Variants in HMSD observed in about 807,000 individuals in gnomAD.
HMSD encodes the protein serpin-like protein HMSD.
A neutral mutation model predicts 10.0 loss-of-function variants in HMSD; 13 were observed. The observed-to-expected ratio is 1.31, with a 90% CI of 0.85 to 2.08. The LOEUF is 2.08. Ranked by LOEUF, HMSD falls within the 30% of genes most tolerant of loss-of-function variation. HMSD has a pLI of 0.00. For synonymous variants in HMSD, 51 were observed against 54.2 expected (o/e 0.94, Z 0.26); for missense variants, 169 against 166.3 (o/e 1.02, Z -0.09).
chr18:63,949,859 T>G lies in HMSD; in HGVS notation c.-103+459T>G, dbSNP rs981318902. Among the ~76,000 whole-genome samples the G allele has an allele frequency of 3.9e-5, 6 of 152,200 alleles. 1 individual carries two copies. The highest frequency in any genetic ancestry group is 4.4e-5 in the Non-Finnish European group (3 of 68,028). On this transcript the variant is annotated intron_variant, in intron 1 of 3. Coordinates refer to ENST00000408945, the MANE Select transcript of HMSD (RefSeq NM_001123366.2). Reference sequence around the variant, plus strand: ...TCGTATGCTCTCAGTATTCAGAATTTGTACTTGACATTCCTCCTCCTTTAA... The same window carrying G: ...TCGTATGCTCTCAGTATTCAGAATTGGTACTTGACATTCCTCCTCCTTTAA...
At chr18:63,961,938 A>G (rs1460535427), downstream of HMSD, 1 of 152,254 alleles carries the variant, frequency 6.6e-6, no homozygotes, top group East Asian at 1.9e-4. Flanking sequence ...CAAAACAGCT[A>G]CAATTCCGTG....
intron 3 of HMSD, chr18:63,968,859 A>G (rs2050425635): frequency 6.6e-6 from 1 of 152,232 alleles, no homozygotes; most frequent in African/African-American, 2.4e-5. Flanking sequence ...TGGAGAAAAG[A>G]TGGGGGTGAA....
In HMSD at chr18:63,954,457, G is replaced by T. The variant is rs1475983372; in HGVS notation, c.122G>T (p.Gly41Val). Residue 41 changes from glycine to valine, a missense_variant, in exon 3 of 4, where the codon GGT becomes GTT. Transcript: ENST00000408945. ...IGGEDGDIHRGFQSLLVAINR... is the reference protein window; with the variant it reads ...IGGEDGDIHRVFQSLLVAINR... The stretch of plus-strand genomic sequence containing the variant: ...GGTGAAGATGGAGATATTCATCGAG[G>T]TTTTCAGTCACTTCTTGTTGCAATT... 3.7e-6 allele frequency: 6 copies of T among 1,613,292 alleles called. No homozygotes were observed. The highest frequency in any genetic ancestry group is 1.3e-5 in the African/African-American group (1 of 74,890).
chr18:63,967,919 A>C (rs2050417174), intron 3 of HMSD: 1 of 152,226 alleles, frequency 6.6e-6, no homozygotes, highest in Non-Finnish European at 1.5e-5. Context: ...CAGCATTTAA[A>C]TTGTCCATAC....
downstream of HMSD, among the ~76,000 whole-genome samples, chr18:63,965,744 T>C (rs1166808958): frequency 6.6e-6 from 1 of 152,224 alleles, no homozygotes; most frequent in Non-Finnish European, 1.5e-5. Flanking sequence ...TATATAGGAA[T>C]ACCTGAGGCT....
chr18:63,969,251 T>C (rs1391861023), intron 3 of HMSD: 1 of 152,276 alleles, frequency 6.6e-6, no homozygotes, highest in African/African-American at 2.4e-5. Context: ...TTCTAATTTA[T>C]CTTTTTGGAT....
At chr18:63,957,074 G>C (rs574325599) in intron 3 of HMSD, among the ~76,000 whole-genome samples, 2 of 152,108 alleles carry the variant, frequency 1.3e-5, no homozygotes, top group Admixed American at 6.6e-5. Flanking sequence ...GCTTACTTGA[G>C]GGAGAAGGGT....
chr18:63,950,818 GAA>G (rs1481920723), intron 1 of HMSD, among the ~76,000 whole-genome samples: 2 of 152,120 alleles, frequency 1.3e-5, no homozygotes, highest in Non-Finnish European at 2.9e-5. Context: ...AGTATGACCT[GAA>G]AAGTAGCAGT....
At chr18:63,958,046 C>A (rs1450647572) in intron 3 of HMSD, among the ~76,000 whole-genome samples, 1 of 152,156 alleles carries the variant, frequency 6.6e-6, no homozygotes, top group Non-Finnish European at 1.5e-5. Context: ...AGATTATTTT[C>A]TTACACTGAG....
downstream of HMSD, among the ~76,000 whole-genome samples, chr18:63,963,227 G>GCTTCCTTCCTTCCTTCCTTGCTTC (rs2050397808): frequency 3.0e-5 from 2 of 66,260 alleles, no homozygotes; most frequent in Middle Eastern, 7.5e-3. Context: ...TTCCTTCCTT[G>GCTTCCTTCCTTCCTTCCTTGCTTC]CTTCCTTCCT....
At chr18:63,967,366 T>G (rs900742102) in intron 3 of HMSD, among the ~76,000 whole-genome samples, 2 of 152,172 alleles carry the variant, frequency 1.3e-5, no homozygotes, top group African/African-American at 4.8e-5. Flanking sequence ...ACTCCTGACC[T>G]CAGGTGATCC....
At chr18:63,966,890 G>GGTTGT (rs2050412128) in intron 3 of HMSD, 2 of 152,178 alleles carry the variant, frequency 1.3e-5, no homozygotes, top group African/African-American at 4.8e-5. Flanking sequence ...AAGGAACAGC[G>GGTTGT]TCAACAATAT....
chr18:63,956,947 T>C (rs1479613085), intron 3 of HMSD, among the ~76,000 whole-genome samples: 4 of 152,180 alleles, frequency 2.6e-5, no homozygotes, highest in African/African-American at 9.7e-5. Flanking sequence ...TGGAGGCTAT[T>C]AATCATAAGC....
chr18:63,952,337 A>C (rs1466913908), intron 1 of HMSD, among the ~76,000 whole-genome samples: 1 of 152,190 alleles, frequency 6.6e-6, no homozygotes, highest in Non-Finnish European at 1.5e-5. Context: ...AACTACATGC[A>C]AGTCCATTAA....
intron 3 of HMSD, among the ~76,000 whole-genome samples, chr18:63,955,345 T>C (rs999647251): frequency 2.6e-5 from 4 of 152,212 alleles, no homozygotes; most frequent in Non-Finnish European, 5.9e-5. Flanking sequence ...GGCTGTACCA[T>C]GGTATAATAG....
intron 2 of HMSD, among the ~76,000 whole-genome samples, 176 bp from the exon 3 acceptor site, chr18:63,954,232 C>G (rs1280290662): frequency 6.6e-6 from 1 of 152,150 alleles, no homozygotes; most frequent in Non-Finnish European, 1.5e-5. Flanking sequence ...TGAGAAGAGG[C>G]ATAGGTAGGC....
intron 3 of HMSD, chr18:63,966,848 C>T (rs1187106325): frequency 6.6e-6 from 1 of 152,224 alleles, no homozygotes; most frequent in African/African-American, 2.4e-5. Flanking sequence ...ACACAAACTA[C>T]CTCTATTTCA....
intron 3 of HMSD, among the ~76,000 whole-genome samples, chr18:63,959,046 T>C (rs2050373182): frequency 6.6e-6 from 1 of 152,116 alleles, no homozygotes; most frequent in Admixed American, 6.5e-5. Flanking sequence ...CACAGAAAAA[T>C]TGAGCAAAAG....
In HMSD at chr18:63,960,513, T is replaced by G. The variant is rs2050380993; in HGVS notation, c.*158T>G. 1 of 1,139,940 alleles carries G rather than the reference T, an allele frequency of 8.8e-7. No homozygotes were observed. The highest frequency in any genetic ancestry group is 1.6e-5 in the African/African-American group (1 of 63,036). The allele number at this position is 1,139,940 out of a possible 1,614,324, so 70.6% of individuals were successfully genotyped here. On this transcript the variant is annotated 3_prime_UTR_variant, in exon 4 of 4. Transcript: ENST00000408945. ...AATAATCTCTTCCAGGTTTTTTTGC[T>G]TGTTAATATTAGGTAGTTTTTCTTT... is the stretch of plus-strand genomic sequence containing the variant.
Sources: allele counts gnomAD v4.1 joint callset (sites outside exome capture counted in the v4.1 genomes callset), GRCh38; gene constraint gnomAD v4.1.1; transcripts MANE v1.5; gene names NCBI Gene and HGNC (gene_info 2026-07-23, HGNC 2026-07-21).